Variants in RBFOX1 observed in about 807,000 individuals in gnomAD.
RBFOX1 encodes the protein RNA binding fox-1 homolog 1.
In RBFOX1, 8 loss-of-function variants were observed where a neutral mutation model predicts 57.7. The ratio of observed to expected loss-of-function variants is 0.14; its 90% CI spans 0.08 to 0.25. RBFOX1 has a LOEUF of 0.25. RBFOX1 is among the 10% of genes least tolerant of loss of function. RBFOX1 has a pLI of 1.00. For synonymous variants in RBFOX1, 326 were observed against 222.4 expected (o/e 1.47, Z -4.15); for missense variants, 611 against 548.5 (o/e 1.11, Z -1.14).
At chr16:7,101,978 C>G (rs2062776916) in intron 4 of RBFOX1, among the ~76,000 whole-genome samples, 1 of 152,174 alleles carries the variant, frequency 6.6e-6, no homozygotes, top group African/African-American at 2.4e-5. Flanking sequence ...AGTGCTGTAT[C>G]CATCCAGAGA....
At chr16:6,143,909 C>A (rs1411769452) in intron 1 of RBFOX1, among the ~76,000 whole-genome samples, 2 of 151,574 alleles carry the variant, frequency 1.3e-5, no homozygotes, top group East Asian at 3.9e-4. Flanking sequence ...GATCTTCCCA[C>A]ATCAGTGTCC....
chr16:7,077,876 C>A (rs778199031), intron 4 of RBFOX1, among the ~76,000 whole-genome samples: 4 of 152,136 alleles, frequency 2.6e-5, no homozygotes, highest in Non-Finnish European at 4.4e-5. Flanking sequence ...TACTTTGTAT[C>A]CCTTTTAAGC....
intron 3 of RBFOX1, among the ~76,000 whole-genome samples, chr16:5,732,366 A>C (rs1170290831): frequency 2.0e-5 from 3 of 152,330 alleles, no homozygotes; most frequent in Admixed American, 2.0e-4. Flanking sequence ...GCCGGACTGA[A>C]GATTCTCAGC....
intron 4 of RBFOX1, among the ~76,000 whole-genome samples, chr16:7,454,481 C>T (rs1428445795): frequency 6.6e-6 from 1 of 152,160 alleles, no homozygotes; most frequent in Non-Finnish European, 1.5e-5. Context: ...GTGTTATAGG[C>T]TATTATAGAT....
chr16:5,961,491 AC>A (rs567575406), intron 4 of RBFOX1, among the ~76,000 whole-genome samples: 3 of 146,090 alleles, frequency 2.1e-5, no homozygotes, highest in African/African-American at 4.9e-5. Context: ...AAAAAACAAA[AC>A]AAAACAAAAC....
chr16:6,984,871 C>T (rs1318535445), intron 3 of RBFOX1, among the ~76,000 whole-genome samples: 2 of 152,004 alleles, frequency 1.3e-5, no homozygotes, highest in African/African-American at 4.8e-5. Flanking sequence ...GAACTCCTGA[C>T]CTCAGCTGAT....
intron 2 of RBFOX1, among the ~76,000 whole-genome samples, chr16:5,470,320 A>G (rs904878234): frequency 6.6e-6 from 1 of 152,192 alleles, no homozygotes; most frequent in Non-Finnish European, 1.5e-5. Flanking sequence ...TCTCACCTAG[A>G]GGGACCAAAT....
chr16:5,696,220 C>T (rs17138413), intron 3 of RBFOX1, among the ~76,000 whole-genome samples: 2 of 152,110 alleles, frequency 1.3e-5, no homozygotes, highest in African/African-American at 4.8e-5. Context: ...GTACCTTCTC[C>T]CATTTTCATT....
intron 1 of RBFOX1, among the ~76,000 whole-genome samples, chr16:6,238,231 G>A (rs1016070005): frequency 1.3e-5 from 2 of 152,062 alleles, no homozygotes; most frequent in African/African-American, 4.8e-5. Context: ...CATTCACAGT[G>A]GAATTACAGT....
At chr16:6,418,872 C>A (rs950649989) in intron 2 of RBFOX1, among the ~76,000 whole-genome samples, 1 of 152,122 alleles carries the variant, frequency 6.6e-6, no homozygotes, top group Non-Finnish European at 1.5e-5. Context: ...GGGGCTTTCT[C>A]CCTGAGTATT....
chr16:7,104,706 G>C (rs981895562), intron 4 of RBFOX1, among the ~76,000 whole-genome samples: 2 of 152,102 alleles, frequency 1.3e-5, no homozygotes, highest in Non-Finnish European at 2.9e-5. Flanking sequence ...GTGGAGTTAA[G>C]GACAATTAAC....
chr16:6,687,308 T>TG (rs1568216065), intron 3 of RBFOX1, among the ~76,000 whole-genome samples: 1 of 152,024 alleles, frequency 6.6e-6, no homozygotes, highest in African/African-American at 2.4e-5. Context: ...GAGGAGAATG[T>TG]GGGGGTAATA....
intron 3 of RBFOX1, among the ~76,000 whole-genome samples, chr16:6,957,264 T>G (rs1441728906): frequency 1.3e-5 from 2 of 151,862 alleles, no homozygotes; most frequent in African/African-American, 4.8e-5. Flanking sequence ...CCCGAGTAGC[T>G]GGGACTACAG....
intron 2 of RBFOX1, among the ~76,000 whole-genome samples, chr16:6,426,470 A>G (rs1039411207): frequency 5.3e-5 from 8 of 152,142 alleles, no homozygotes; most frequent in African/African-American, 1.9e-4. Flanking sequence ...GTTTTGAAAG[A>G]AAGGACTAAA....
Position 7,336,970 on chromosome 16 carries a change from G to A in RBFOX1, c.28-181177G>A, listed in dbSNP as rs577741052. Reference sequence around the variant, plus strand: ...GTTTGATTTTCAGGGTGTTGTCCTAGACCCTGCTGAGGGCTTTACATAATC... The same window carrying A: ...GTTTGATTTTCAGGGTGTTGTCCTAAACCCTGCTGAGGGCTTTACATAATC... On this transcript the variant is annotated intron_variant, in intron 4 of 15. Transcript: ENST00000550418. Among the ~76,000 whole-genome samples, 14 of 152,230 alleles carry A rather than the reference G, an allele frequency of 9.2e-5. No homozygotes were observed. The East Asian group carries it at 2.7e-3, about 29-fold the overall frequency.
intron 2 of RBFOX1, among the ~76,000 whole-genome samples, chr16:6,575,437 A>G (rs2097418718): frequency 6.6e-6 from 1 of 152,224 alleles, no homozygotes; most frequent in South Asian, 2.1e-4. Flanking sequence ...TGATTGATAC[A>G]AACAAGAGTT....
At chr16:6,529,995 T>C (rs1265893634) in intron 2 of RBFOX1, among the ~76,000 whole-genome samples, 1 of 152,152 alleles carries the variant, frequency 6.6e-6, no homozygotes, top group African/African-American at 2.4e-5. Flanking sequence ...TTATTAGATA[T>C]AGTCTCAATG....
chr16:6,138,851 A>C (rs1013372199), intron 1 of RBFOX1, among the ~76,000 whole-genome samples: 3 of 152,158 alleles, frequency 2.0e-5, no homozygotes, highest in African/African-American at 7.2e-5. Flanking sequence ...TGGGCGACAG[A>C]GTGAGGCTCC....
At chr16:6,201,803 T>C (rs2097217259) in intron 1 of RBFOX1, among the ~76,000 whole-genome samples, 1 of 152,220 alleles carries the variant, frequency 6.6e-6, no homozygotes, top group African/African-American at 2.4e-5. Context: ...TACATCTATT[T>C]TGTGTCCATG....
Sources: gnomAD v4.1 joint callset for allele counts (sites outside exome capture counted in the v4.1 genomes callset) on GRCh38, gnomAD v4.1.1 for gene constraint, MANE v1.5 for transcripts, NCBI Gene and HGNC (gene_info 2026-07-23, HGNC 2026-07-21) for gene names.